Variants in ADAMTS16 observed in about 807,000 individuals in gnomAD.
ADAMTS16 encodes A disintegrin and metalloproteinase with thrombospondin motifs 16.
A neutral mutation model predicts 145.8 loss-of-function variants in ADAMTS16; 94 were observed. The observed-to-expected ratio is 0.64, with a 90% confidence interval of 0.55 to 0.77. The LOEUF (loss-of-function observed/expected upper bound fraction) is 0.77. Ranked by LOEUF, ADAMTS16 falls within the 30% of genes least tolerant of loss-of-function variation. ADAMTS16 has a pLI of 0.00. For synonymous variants in ADAMTS16, 659 were observed against 604.3 expected, an observed-to-expected ratio of 1.09 and a Z score of -1.33; for missense variants, 1,585 against 1,591.5, an observed-to-expected ratio of 1.00 and a Z score of 0.07.
At position 5,319,059 on chromosome 5, in the gene ADAMTS16, T is replaced by A; in HGVS notation, c.3596T>A (p.Leu1199Gln). ...FCKDYFHWCY[L>Q]VPQHGMCSHK... ...AAAGACTACTTCCACTGGTGCTACC[T>A]GGTACCCCAGCACGGGATGTGCAGC... The change falls in exon 23 of 23, where the codon CTG (leucine) becomes CAG (glutamine). Residue 1199 changes from leucine to glutamine, a missense_variant. By Grantham distance (113) the Leu-to-Gln change is moderately radical. This residue lies in a region of ADAMTS16 where 834 missense variants were observed against 811.7 expected (regional missense o/e 1.03). Coordinates refer to ENST00000274181, the MANE Select transcript of ADAMTS16 (RefSeq NM_139056.4). 1 of 1,613,456 alleles carries A rather than the reference T, an allele frequency of 6.2e-7. No homozygotes were observed. The highest frequency in any genetic ancestry group is 8.5e-7 in the Non-Finnish European group (1 of 1,179,798).
chr5:5,140,674 G>A lies in ADAMTS16; in HGVS notation c.83G>A (p.Cys28Tyr). Residue 28 changes from cysteine to tyrosine, a missense_variant, in exon 2 of 23, where the codon TGC becomes TAC. Physicochemically the swap from Cys to Tyr is radical, Grantham distance 194 (BLOSUM62 -2). This residue lies in a region of ADAMTS16 where 453 missense variants were observed against 412.1 expected (regional missense o/e 1.10). Transcript: ENST00000274181. ...LAQVAEQAPA[C>Y]AMGPAAAAPG... ...CGCTGTTTTCCGCAGGCACCTGCGT[G>A]CGCCATGGGACCCGCAGCGGCAGCG... 4 of 1,555,630 alleles carry A rather than the reference G, an allele frequency of 2.6e-6. No individual in the cohort carries two copies. The highest frequency in any genetic ancestry group is 2.3e-5 in the East Asian group (1 of 42,596).
chr5:5,233,037 C>A (rs202029583), intron 12 of ADAMTS16, among the ~76,000 whole-genome samples: 1 of 151,896 alleles, frequency 6.6e-6, no homozygotes, highest in Non-Finnish European at 1.5e-5. Context: ...CTGACCACAG[C>A]AAAAAAATAA....
chr5:5,302,848 T>C (rs974573677), intron 18 of ADAMTS16, among the ~76,000 whole-genome samples: 1 of 152,242 alleles, frequency 6.6e-6, no homozygotes, highest in Non-Finnish European at 1.5e-5. Context: ...GATATTTTCA[T>C]GTCTGGAATC....
chr5:5,318,993 G>T, intron 22 of ADAMTS16, 30 bp from the exon 23 acceptor site: 9 of 1,524,136 alleles, frequency 5.9e-6, no homozygotes, highest in Non-Finnish European at 8.1e-6. Flanking sequence ...ACTCGGGATC[G>T]CTGAGTAATG....
chr5:5,206,087 A>G (rs188142471), intron 9 of ADAMTS16, among the ~76,000 whole-genome samples: 2 of 152,198 alleles, frequency 1.3e-5, no homozygotes, highest in Admixed American at 1.3e-4. Flanking sequence ...TGCATTTTAT[A>G]TTTAGCTGTA....
At chr5:5,196,482 A>G (rs1240154764) in intron 8 of ADAMTS16, among the ~76,000 whole-genome samples, 2 of 152,040 alleles carry the variant, frequency 1.3e-5, no homozygotes, top group African/African-American at 4.8e-5. Context: ...AGCCCCTCTA[A>G]CCATCATCTG....
chr5:5,308,995 A>G (rs985877105), intron 21 of ADAMTS16, among the ~76,000 whole-genome samples: 2 of 152,046 alleles, frequency 1.3e-5, no homozygotes, highest in African/African-American at 4.8e-5. Context: ...AAAACCATCA[A>G]GAATGATGTT....
chr5:5,241,575 G>A (rs1352950983), intron 16 of ADAMTS16, among the ~76,000 whole-genome samples: 1 of 152,178 alleles, frequency 6.6e-6, no homozygotes, highest in Non-Finnish European at 1.5e-5. Context: ...ATGCTTTGTA[G>A]GTATCTCTTT....
intron 21 of ADAMTS16, among the ~76,000 whole-genome samples, chr5:5,309,943 C>T (rs1188960061): frequency 6.6e-6 from 1 of 152,040 alleles, no homozygotes; most frequent in Non-Finnish European, 1.5e-5. Context: ...GCACAGTTCA[C>T]ATCCCAGTCA....
At chr5:5,182,384 C>T in intron 4 of ADAMTS16, 79 bp downstream of exon 4, 2 of 1,525,828 alleles carry the variant, frequency 1.3e-6, no homozygotes, top group Non-Finnish European at 1.8e-6. Flanking sequence ...ACATTTTCTT[C>T]AAAGCATGTC....
chr5:5,224,439 G>A lies in ADAMTS16; in HGVS notation c.1701+1555G>A, dbSNP rs183055603. 4.0e-3 allele frequency among the ~76,000 whole-genome samples: 606 copies of A among 152,042 alleles called. 2 individuals are homozygous for A. The highest frequency in any genetic ancestry group is 0.011 in the African/African-American group (452 of 41,480). On this transcript the variant is annotated intron_variant, in intron 11 of 22. Coordinates refer to ENST00000274181, the MANE Select transcript of ADAMTS16 (RefSeq NM_139056.4). ...TGAGTAGCTGGGATTATAGGCGCCCGCCACCACACCCAGCTAATTTTTGTA... is the reference window on the plus strand; with the variant it reads ...TGAGTAGCTGGGATTATAGGCGCCCACCACCACACCCAGCTAATTTTTGTA...
At chr5:5,141,399 C>T (rs1347612461) in intron 2 of ADAMTS16, among the ~76,000 whole-genome samples, 2 of 152,208 alleles carry the variant, frequency 1.3e-5, no homozygotes, top group African/African-American at 2.4e-5. Flanking sequence ...TCAATGCATG[C>T]TTTTACTTCT....
At chr5:5,152,302 G>A (rs996681343) in intron 3 of ADAMTS16, among the ~76,000 whole-genome samples, 1 of 152,220 alleles carries the variant, frequency 6.6e-6, no homozygotes, top group Non-Finnish European at 1.5e-5. Flanking sequence ...CAGAGCTCCG[G>A]TGGGGATGGT....
chr5:5,251,677 G>T (rs2913645), intron 17 of ADAMTS16, among the ~76,000 whole-genome samples: 137,804 of 152,170 alleles, frequency 0.91, 62,450 homozygotes, highest in Non-Finnish European at 0.93. Context: ...TGCCTACCAG[G>T]GGTAAGATCA....
rs766852899 is a variant in ADAMTS16, at chr5:5,140,737, C to A, written c.146C>A (p.Ala49Glu). 2 of 1,568,282 alleles carry A rather than the reference C, an allele frequency of 1.3e-6. No homozygotes were observed. Among genetic ancestry groups the A allele is most frequent in the Non-Finnish European group, 1.7e-6 (2 of 1,158,112 alleles). ...AGCGTCCCGCGTCCTCCTCCACCCGCGGAGCGGCCGGGCTGGATGGAAAAG... is the reference window on the plus strand; with the variant it reads ...AGCGTCCCGCGTCCTCCTCCACCCGAGGAGCGGCCGGGCTGGATGGAAAAG... ...SPSVPRPPPP[A>E]ERPGWMEKGE... The change falls in exon 2 of 23, where the codon GCG (alanine) becomes GAG (glutamate). Residue 49 changes from alanine (A) to glutamate (E), a missense_variant. By Grantham distance (107) the Ala-to-Glu change is moderately radical. Around this residue, in one of 3 missense-constraint regions of ADAMTS16, gnomAD observed 453 missense variants for 412.1 expected, o/e 1.10. Transcript: ENST00000274181.
At chr5:5,190,741 A>G (rs1159645666) in intron 7 of ADAMTS16, among the ~76,000 whole-genome samples, 1 of 152,124 alleles carries the variant, frequency 6.6e-6, no homozygotes, top group Non-Finnish European at 1.5e-5. Context: ...ATAAAGCCCA[A>G]TTTAATAGCG....
intron 8 of ADAMTS16, among the ~76,000 whole-genome samples, chr5:5,194,520 T>C (rs1579302109): frequency 6.6e-6 from 1 of 152,144 alleles, no homozygotes; most frequent in East Asian, 1.9e-4. Context: ...AGTCGGGGAA[T>C]GAGTGACGCA....
chr5:5,179,238 G>A (rs1158139703), intron 3 of ADAMTS16, among the ~76,000 whole-genome samples: 1 of 151,148 alleles, frequency 6.6e-6, no homozygotes, highest in African/African-American at 2.4e-5. Context: ...ATTCTGCAGT[G>A]TCCGACTCAC....
At chr5:5,162,087 G>A (rs1248459235) in intron 3 of ADAMTS16, among the ~76,000 whole-genome samples, 5 of 152,120 alleles carry the variant, frequency 3.3e-5, no homozygotes, top group South Asian at 2.1e-4. Flanking sequence ...GCTTTATTAC[G>A]ATAGACGTAT....
Sources: gnomAD v4.1 joint callset for allele counts (sites outside exome capture counted in the v4.1 genomes callset) on GRCh38, gnomAD v4.1.1 for gene constraint, gnomAD v4.1.1 regional missense constraint, MANE v1.5 for transcripts, NCBI Gene and HGNC (gene_info 2026-07-23, HGNC 2026-07-21) for gene names.